The following ANK3 variants were observed in gnomAD, a reference collection of about 807,000 sequenced individuals.
ANK3 encodes ankyrin 3.
Under a neutral mutation model 370.9 loss-of-function variants are expected in ANK3, and 57 were observed. The ratio of observed to expected loss-of-function variants is 0.15; its 90% confidence interval spans 0.12 to 0.19. The LOEUF is 0.19. Among genes scored for constraint, ANK3 ranks in the 10% least tolerant of loss-of-function variants. ANK3 has a pLI of 1.00. For synonymous variants in ANK3, 1,929 were observed against 1,946.3 expected (o/e 0.99, Z 0.23); for missense variants, 4,439 against 5,302.1 (o/e 0.84, Z 5.06).
At chr10:60,444,429 C>CGTGT (rs374472777) in intron 2 of ANK3, among the ~76,000 whole-genome samples, 2,043 of 148,066 alleles carry the variant, frequency 0.014, 37 homozygotes, top group African/African-American at 0.038. Context: ...ATATAACATA[C>CGTGT]GTGTGTGTGT....
At position 60,100,234 on chromosome 10, in the gene ANK3, G is replaced by GTTTTTTTTTTT. The variant is rs3045340; in HGVS notation, c.3328+5660_3328+5670dup. 9.3e-4 allele frequency among the ~76,000 whole-genome samples: 54 copies of GTTTTTTTTTTT among 57,902 alleles called. 5 individuals are homozygous for GTTTTTTTTTTT. The highest frequency in any genetic ancestry group is 2.6e-3 in the African/African-American group (30 of 11,738). 38.0% of individuals were successfully genotyped at this position (57,902 alleles called of 152,430 possible). A position where few individuals can be genotyped will look rare whatever the true frequency, so the allele number is the denominator to read the frequency against. On this transcript the variant is annotated intron_variant, in intron 28 of 43. Transcript: ENST00000280772. ...GGCTGAAAGTCAGTATTTTGCTATG[G>GTTTTTTTTTTT]TTTTTTTTTTTTTTTTTTTTTTGCA...
intron 2 of ANK3, among the ~76,000 whole-genome samples, chr10:60,614,092 T>C (rs1001570539): frequency 2.0e-5 from 3 of 151,926 alleles, no homozygotes; most frequent in African/African-American, 7.3e-5. Flanking sequence ...ATAATTCAAG[T>C]GTACCACAGA....
intron 28 of ANK3, among the ~76,000 whole-genome samples, chr10:60,094,268 A>G (rs2089549080): frequency 6.8e-6 from 1 of 147,674 alleles, no homozygotes; most frequent in Non-Finnish European, 1.5e-5. Context: ...GCTCACTACA[A>G]TTTTCACCTC....
intron 25 of ANK3, among the ~76,000 whole-genome samples, chr10:60,118,600 C>T (rs1565129653): frequency 6.6e-6 from 1 of 152,186 alleles, no homozygotes; most frequent in Admixed American, 6.5e-5. Flanking sequence ...GAGACCCAAA[C>T]CAACAAACCT....
intron 2 of ANK3, among the ~76,000 whole-genome samples, chr10:60,600,895 T>C (rs2078052191): frequency 6.6e-6 from 1 of 152,092 alleles, no homozygotes; most frequent in Non-Finnish European, 1.5e-5. Context: ...ATAAGGTAGC[T>C]CATTGTTTAT....
intron 32 of ANK3, 107 bp from the exon 33 acceptor site, chr10:60,083,724 G>T: frequency 1.1e-6 from 1 of 929,194 alleles, no homozygotes; most frequent in Non-Finnish European, 1.6e-6. Context: ...TGTTACACGT[G>T]TCTCTATTAG....
At chr10:60,101,664 C>T (rs2091280585) in intron 28 of ANK3, among the ~76,000 whole-genome samples, 1 of 152,180 alleles carries the variant, frequency 6.6e-6, no homozygotes, top group African/African-American at 2.4e-5. Context: ...ACTGTCCTTT[C>T]TGTGATTCTA....
chr10:60,431,653 G>C (rs976894122), intron 2 of ANK3, among the ~76,000 whole-genome samples: 8 of 152,080 alleles, frequency 5.3e-5, no homozygotes, highest in Non-Finnish European at 1.2e-4. Context: ...GTTAGCTGGT[G>C]GGGGGGCTAG....
intron 1 of ANK3, among the ~76,000 whole-genome samples, chr10:60,667,113 A>G (rs1467146318): frequency 6.6e-6 from 1 of 150,722 alleles, no homozygotes; most frequent in Non-Finnish European, 1.5e-5. Context: ...TATTTGCTAA[A>G]TCTGGCACAC....
At chr10:60,379,973 G>A (rs1231301587) in intron 1 of ANK3, among the ~76,000 whole-genome samples, 2 of 151,642 alleles carry the variant, frequency 1.3e-5, no homozygotes, top group African/African-American at 4.9e-5. Flanking sequence ...TCATGAATAT[G>A]TACATTTGTC....
intron 18 of ANK3, among the ~76,000 whole-genome samples, chr10:60,179,808 C>T (rs2096095677): frequency 6.6e-6 from 1 of 152,106 alleles, no homozygotes; most frequent in African/African-American, 2.4e-5. Context: ...CAGATGGAGG[C>T]AGCACAGTAC....
At chr10:60,391,678 G>A (rs1373226764), upstream of ANK3, among the ~76,000 whole-genome samples, 2 of 152,166 alleles carry the variant, frequency 1.3e-5, no homozygotes, top group African/African-American at 4.8e-5. Context: ...ATTTAGAAGT[G>A]TGCTTGATCA....
intron 1 of ANK3, among the ~76,000 whole-genome samples, chr10:60,380,710 C>T (rs1392571077): frequency 1.3e-5 from 2 of 151,936 alleles, no homozygotes; most frequent in Admixed American, 1.3e-4. Flanking sequence ...GACCTTCCTG[C>T]AATAAAAAAA....
intron 42 of ANK3, chr10:60,053,600 A>T: frequency 8.6e-7 from 1 of 1,158,222 alleles, no homozygotes; most frequent in East Asian, 6.4e-5. Flanking sequence ...GAAAACAAGG[A>T]AACCAAATGG....
At chr10:60,406,698 T>G (rs1425534263) in intron 2 of ANK3, among the ~76,000 whole-genome samples, 1 of 152,200 alleles carries the variant, frequency 6.6e-6, no homozygotes, top group African/African-American at 2.4e-5. Flanking sequence ...TCATTAAAGA[T>G]TATCAATAAA....
At chr10:60,333,654 A>T (rs1224404271) in intron 1 of ANK3, among the ~76,000 whole-genome samples, 1 of 152,186 alleles carries the variant, frequency 6.6e-6, no homozygotes, top group African/African-American at 2.4e-5. Context: ...TCCTTTGGGT[A>T]TACACCCAGT....
At chr10:60,083,798 G>A (rs1490308862) in intron 32 of ANK3, 181 bp from the exon 33 acceptor site, 6 of 522,130 alleles carry the variant, frequency 1.1e-5, no homozygotes, top group Non-Finnish European at 2.0e-5. Flanking sequence ...CTCACCAACT[G>A]TAATTGGAAT....
chr10:60,216,446 C>T (rs1195292661), intron 8 of ANK3, among the ~76,000 whole-genome samples: 1 of 151,952 alleles, frequency 6.6e-6, no homozygotes, highest in African/African-American at 2.4e-5. Context: ...TCCATCAATC[C>T]CTAGTTTGTT....
intron 2 of ANK3, among the ~76,000 whole-genome samples, chr10:60,534,796 C>T (rs115426640): frequency 6.6e-6 from 1 of 152,068 alleles, no homozygotes; most frequent in East Asian, 1.9e-4. Context: ...TTCAAGTATG[C>T]GGAAAATGCA....
Sources: gnomAD v4.1 joint callset for allele counts (sites outside exome capture counted in the v4.1 genomes callset) on GRCh38, gnomAD v4.1.1 for gene constraint, MANE v1.5 for transcripts, NCBI Gene and HGNC (gene_info 2026-07-23, HGNC 2026-07-21) for gene names.